Variants in GPC6 observed in about 807,000 individuals in gnomAD.
The protein encoded by GPC6 is glypican-6.
GPC6 carries 14 observed loss-of-function variants against 55.2 expected under a neutral mutation model. The observed-to-expected ratio is 0.25, with a 90% confidence interval of 0.17 to 0.40. The LOEUF (loss-of-function observed/expected upper bound fraction) is 0.40, where lower values mean the gene tolerates loss of function less well. Ranked by LOEUF, GPC6 falls within the 10% of genes least tolerant of loss-of-function variation. GPC6 has a pLI of 1.00. For missense variants in GPC6, 641 were observed against 708.5 expected, an observed-to-expected ratio of 0.90 and a Z score of 1.08; for synonymous variants, 278 against 259.6, an observed-to-expected ratio of 1.07 and a Z score of -0.68.
intron 1 of GPC6, among the ~76,000 whole-genome samples, chr13:93,439,449 TC>T (rs1279358992): frequency 1.3e-5 from 2 of 152,100 alleles, no homozygotes; most frequent in Non-Finnish European, 2.9e-5. Context: ...GCAAGTTCTT[TC>T]TCTTGCTTGC....
chr13:93,889,972 A>G (rs533642587), intron 3 of GPC6, among the ~76,000 whole-genome samples: 16 of 151,732 alleles, frequency 1.1e-4, no homozygotes, highest in South Asian at 4.2e-4. Context: ...TCATTAAATC[A>G]AAAAAAAATT....
At chr13:93,359,779 T>A (rs1880982033) in intron 1 of GPC6, among the ~76,000 whole-genome samples, 1 of 152,204 alleles carries the variant, frequency 6.6e-6, no homozygotes, top group South Asian at 2.1e-4. Context: ...AAGGTAAGTC[T>A]GCAAACATAG....
chr13:93,683,923 T>A (rs1594369698), intron 2 of GPC6, among the ~76,000 whole-genome samples: 1 of 152,136 alleles, frequency 6.6e-6, no homozygotes, highest in East Asian at 1.9e-4. Flanking sequence ...TCTTCCAGGT[T>A]GCATGCTGCC....
At chr13:93,529,510 C>CTTTTTTT (rs1165594323) in intron 1 of GPC6, among the ~76,000 whole-genome samples, 27 of 85,170 alleles carry the variant, frequency 3.2e-4, no homozygotes, top group South Asian at 4.8e-4. Flanking sequence ...CTCTGAGATT[C>CTTTTTTT]TTTTTTTTTT....
chr13:93,296,703 C>A (rs1878505602), intron 1 of GPC6, among the ~76,000 whole-genome samples: 1 of 152,146 alleles, frequency 6.6e-6, no homozygotes, highest in African/African-American at 2.4e-5. Flanking sequence ...GCATCTGAGC[C>A]ATGAGGAGGC....
At chr13:93,854,331 CTA>C (rs1406593222) in intron 3 of GPC6, among the ~76,000 whole-genome samples, 1 of 151,660 alleles carries the variant, frequency 6.6e-6, no homozygotes, top group Non-Finnish European at 1.5e-5. Context: ...TATTGAAAAA[CTA>C]TTTTTTTCAC....
Position 93,672,639 on chromosome 13 carries a change from G to GATAT in GPC6, c.319+127231_319+127234dup, listed in dbSNP as rs71272214. Reference sequence around the variant, plus strand: ...CAAATATAGAGCATTCTCAGTGTCTGATATATATATATATATGCCATATAT... The same window carrying GATAT: ...CAAATATAGAGCATTCTCAGTGTCTGATATATATATATATATATATGCCATATAT... On this transcript the variant is annotated intron_variant, in intron 2 of 8. Coordinates refer to ENST00000377047, the MANE Select transcript of GPC6 (RefSeq NM_005708.5). Among the ~76,000 whole-genome samples, 263 of 140,166 alleles carry GATAT rather than the reference G, an allele frequency of 1.9e-3. 2 individuals are homozygous for GATAT. Among genetic ancestry groups the GATAT allele is most frequent in the African/African-American group, 6.0e-3 (235 of 38,934 alleles). 92.0% of individuals were successfully genotyped at this position (140,166 alleles called of 152,430 possible).
intron 5 of GPC6, among the ~76,000 whole-genome samples, chr13:94,288,972 T>TAGAC (rs1432249783): frequency 8.6e-6 from 1 of 116,002 alleles, no homozygotes; most frequent in East Asian, 2.5e-4. Flanking sequence ...GATAGATAGA[T>TAGAC]AATATATATA....
chr13:93,979,464 C>A (rs988830726), intron 3 of GPC6, among the ~76,000 whole-genome samples: 46 of 150,418 alleles, frequency 3.1e-4, no homozygotes, highest in African/African-American at 1.1e-3. Flanking sequence ...TTTTTTAATT[C>A]CTGGCGCACT....
rs927606031 is a variant in GPC6 at position 94,085,269 on chromosome 13, C to T, written c.877+57375C>T. The stretch of plus-strand genomic sequence containing the variant: ...CCCAGGAGGCGGAGGTTGCAGTGAG[C>T]CGAGATCACGCCACTGCACTCCAGC... On this transcript the variant is annotated intron_variant, in intron 4 of 8. Transcript: ENST00000377047. Among the ~76,000 whole-genome samples, 4 of 136,578 alleles carry T rather than the reference C, an allele frequency of 2.9e-5. No individual in the cohort carries two copies. In the South Asian group the frequency reaches 9.0e-4, roughly 31 times the overall value. 89.6% of individuals were successfully genotyped at this position (136,578 alleles called of 152,430 possible). A position where few individuals can be genotyped will look rare whatever the true frequency, so the allele number is the denominator to read the frequency against.
intron 4 of GPC6, among the ~76,000 whole-genome samples, chr13:94,143,436 A>G (rs1007149431): frequency 1.1e-4 from 16 of 152,182 alleles, no homozygotes; most frequent in African/African-American, 3.9e-4. Flanking sequence ...TAGAATCTAG[A>G]TTTTTAATAT....
At chr13:93,676,848 C>G (rs1881651249) in intron 2 of GPC6, among the ~76,000 whole-genome samples, 1 of 151,212 alleles carries the variant, frequency 6.6e-6, no homozygotes, top group African/African-American at 2.4e-5. Context: ...AAACCTGGGA[C>G]AAGTTTGATA....
chr13:93,482,887 G>T (rs1376750165), intron 1 of GPC6, among the ~76,000 whole-genome samples: 1 of 152,080 alleles, frequency 6.6e-6, no homozygotes, highest in Non-Finnish European at 1.5e-5. Flanking sequence ...TATTTAAGAT[G>T]TCTTTGTTAC....
At chr13:93,555,935 A>G (rs562842280) in intron 2 of GPC6, among the ~76,000 whole-genome samples, 31 of 152,300 alleles carry the variant, frequency 2.0e-4, no homozygotes, top group African/African-American at 7.0e-4. Flanking sequence ...CAGGATGTAG[A>G]GCTGGGGCAA....
intron 5 of GPC6, among the ~76,000 whole-genome samples, chr13:94,287,210 C>T (rs528072172): frequency 3.3e-5 from 5 of 152,206 alleles, no homozygotes; most frequent in South Asian, 2.1e-4. Context: ...GTGATGACTG[C>T]ACAATGCCCT....
chr13:93,557,573 G>C (rs1049466474), intron 2 of GPC6, among the ~76,000 whole-genome samples: 2 of 152,112 alleles, frequency 1.3e-5, no homozygotes, highest in Non-Finnish European at 2.9e-5. Context: ...GACCAGCCAG[G>C]CTTGTTCTCA....
intron 2 of GPC6, among the ~76,000 whole-genome samples, chr13:93,625,143 A>C (rs1054996194): frequency 2.0e-5 from 3 of 150,826 alleles, no homozygotes; most frequent in African/African-American, 7.5e-5. Context: ...GTTGAATGAC[A>C]GTTTTTTTTT....
intron 2 of GPC6, among the ~76,000 whole-genome samples, chr13:93,602,514 A>G (rs1340123209): frequency 1.3e-5 from 2 of 152,194 alleles, no homozygotes; most frequent in Admixed American, 6.5e-5. Context: ...ATATTCTTCT[A>G]CAGCCACTTT....
chr13:93,587,665 C>A (rs1468862635), intron 2 of GPC6, among the ~76,000 whole-genome samples: 4 of 152,048 alleles, frequency 2.6e-5, no homozygotes. Context: ...TGGAGTCCTG[C>A]TCTCAGTACT....
Sources: gnomAD v4.1 joint callset for allele counts (sites outside exome capture counted in the v4.1 genomes callset) on GRCh38, gnomAD v4.1.1 for gene constraint, MANE v1.5 for transcripts, NCBI Gene and HGNC (gene_info 2026-07-23, HGNC 2026-07-21) for gene names.